TYW1: variants seen among roughly 807,000 people sequenced by gnomAD.
TYW1 encodes the protein tRNA-yW synthesizing protein 1 homolog.
In TYW1, 46 loss-of-function variants were observed where a neutral mutation model predicts 96.2. The ratio of observed to expected loss-of-function variants is 0.48; its 90% CI spans 0.38 to 0.61. The LOEUF (loss-of-function observed/expected upper bound fraction) is 0.61. Among genes scored for constraint, TYW1 ranks in the 20% least tolerant of loss-of-function variants. The pLI is 0.00. For missense variants in TYW1, 684 were observed against 909.6 expected (o/e 0.75, Z 3.19); for synonymous variants, 274 against 323.0 (o/e 0.85, Z 1.63).
chr7:67,078,450 A>G (rs1796272589), intron 10 of TYW1, among the ~76,000 whole-genome samples: 1 of 152,112 alleles, frequency 6.6e-6, no homozygotes, highest in Admixed American at 6.5e-5. Flanking sequence ...CATTCTGCAT[A>G]GGATTTCTTT....
chr7:67,118,967 C>A (rs1303820780), intron 13 of TYW1, among the ~76,000 whole-genome samples: 6 of 148,148 alleles, frequency 4.1e-5, no homozygotes, highest in Admixed American at 3.4e-4. Context: ...TCTAGAACCA[C>A]ATTTCCTAAG....
chr7:67,074,734 G>A (rs1796150720), intron 10 of TYW1, among the ~76,000 whole-genome samples: 1 of 152,122 alleles, frequency 6.6e-6, no homozygotes, highest in Admixed American at 6.6e-5. Flanking sequence ...TAGCCTCTGA[G>A]CCTCAGTTTC....
At chr7:67,006,500 C>T (rs1428668778) in intron 3 of TYW1, among the ~76,000 whole-genome samples, 4 of 132,150 alleles carry the variant, frequency 3.0e-5, no homozygotes, top group East Asian at 2.2e-4. Flanking sequence ...AGTGCAGTGG[C>T]GTGATCTCGG....
chr7:67,206,135 T>C (rs1584694438), intron 15 of TYW1, among the ~76,000 whole-genome samples: 1 of 152,202 alleles, frequency 6.6e-6, no homozygotes, highest in African/African-American at 2.4e-5. Context: ...CTATTTGATA[T>C]TGGTAGATTA....
At chr7:67,055,797 G>T (rs371866976) in intron 8 of TYW1, 38 bp from the exon 9 acceptor site, 1 of 1,548,710 alleles carries the variant, frequency 6.5e-7, no homozygotes, top group Non-Finnish European at 8.7e-7. Context: ...TGACGCTTTG[G>T]ATCAGTCCAA....
chr7:67,063,665 G>A (rs6974421), intron 9 of TYW1, among the ~76,000 whole-genome samples: 43,611 of 151,284 alleles, frequency 0.29, 6,410 homozygotes, highest in Middle Eastern at 0.35. Flanking sequence ...GTGTAGTGGC[G>A]CGATCTCGGC....
chr7:66,999,774 T>G (rs889074844), intron 3 of TYW1, among the ~76,000 whole-genome samples: 2 of 152,110 alleles, frequency 1.3e-5, no homozygotes, highest in Non-Finnish European at 2.9e-5. Context: ...CCATTCTCTC[T>G]CTTTTTTGCG....
chr7:67,202,731 AAG>A (rs1209114541), intron 15 of TYW1, among the ~76,000 whole-genome samples: 2 of 152,136 alleles, frequency 1.3e-5, no homozygotes, highest in Admixed American at 6.6e-5. Flanking sequence ...GGACTTCTGA[AAG>A]AGAGTGCAAA....
At chr7:67,231,860 T>TC in intron 15 of TYW1, among the ~76,000 whole-genome samples, 1 of 150,014 alleles carries the variant, frequency 6.7e-6, no homozygotes, top group Admixed American at 6.7e-5. Context: ...ATTTTTTTTT[T>TC]CTCCTTTCTG....
chr7:67,000,516 C>T (rs561076641), intron 3 of TYW1, among the ~76,000 whole-genome samples: 26 of 152,162 alleles, frequency 1.7e-4, no homozygotes, highest in African/African-American at 6.3e-4. Context: ...TCACACTGCT[C>T]TCAAACTCCT....
At chr7:67,026,652 T>C (rs887507896) in intron 7 of TYW1, among the ~76,000 whole-genome samples, 1 of 151,630 alleles carries the variant, frequency 6.6e-6, no homozygotes, top group African/African-American at 2.4e-5. Context: ...CTGGTGAAAG[T>C]AGTGATGAGA....
chr7:67,129,960 A>G (rs1296675163), intron 13 of TYW1, among the ~76,000 whole-genome samples: 4 of 152,220 alleles, frequency 2.6e-5, no homozygotes, highest in African/African-American at 4.8e-5. Flanking sequence ...TTTAAAGTAC[A>G]GATTTGATAA....
intron 9 of TYW1, among the ~76,000 whole-genome samples, chr7:67,058,728 G>A (rs1795606871): frequency 6.6e-6 from 1 of 151,844 alleles, no homozygotes; most frequent in Non-Finnish European, 1.5e-5. Flanking sequence ...TGCCTGCCTT[G>A]GCCTCTGAAA....
chr7:67,210,764 G>GTCCGTCCATCCATCCCTCCATCCA (rs143928226), intron 15 of TYW1, among the ~76,000 whole-genome samples: 1 of 143,988 alleles, frequency 6.9e-6, no homozygotes, highest in African/African-American at 2.6e-5. Flanking sequence ...TCGTCTGTCC[G>GTCCGTCCATCCATCCCTCCATCCA]TCCATCCATC....
chr7:67,238,652 A>T lies in TYW1; in HGVS notation c.*123A>T, dbSNP rs1801968843. On this transcript the variant is annotated 3_prime_UTR_variant, in exon 16 of 16. Transcript: ENST00000359626. Reference sequence around the variant, plus strand: ...TATACTTTCATACAAAGGAGACGATAAGGCAGTAAACATGGAGACACGGGG... The same window carrying T: ...TATACTTTCATACAAAGGAGACGATTAGGCAGTAAACATGGAGACACGGGG... The T allele has an allele frequency of 6.8e-7, 1 of 1,460,344 alleles. No individual in the cohort carries two copies. The highest frequency in any genetic ancestry group is 9.0e-7 in the Non-Finnish European group (1 of 1,105,138). The allele number at this position is 1,460,344 out of a possible 1,614,324, so 90.5% of individuals were successfully genotyped here. A position where few individuals can be genotyped will look rare whatever the true frequency, so the allele number is the denominator to read the frequency against.
In TYW1 at chr7:67,047,840, T is replaced by C. The variant is rs546561983; in HGVS notation, c.985-2109T>C. Among the ~76,000 whole-genome samples, 10 of 138,242 alleles carry C rather than the reference T, an allele frequency of 7.2e-5. No homozygotes were observed. The East Asian group carries it at 2.2e-3, about 30-fold the overall frequency. 90.7% of individuals were successfully genotyped at this position (138,242 alleles called of 152,430 possible). ...AGAGTCTCTGTCGCCCAGGCTGGAG[T>C]GCAGTGGCACAGTCTTGGCTCACCG... On this transcript the variant is annotated intron_variant, in intron 7 of 15. Transcript: ENST00000359626.
intron 15 of TYW1, among the ~76,000 whole-genome samples, chr7:67,233,283 C>A (rs1460036561): frequency 7.4e-6 from 1 of 135,740 alleles, no homozygotes; most frequent in East Asian, 2.0e-4. Context: ...GTTTAATCTA[C>A]CATCTTTAAT....
At chr7:67,026,383 TTAATTTAAAAAGAAGTGTC>T (rs1230914999) in intron 7 of TYW1, among the ~76,000 whole-genome samples, 21 of 152,292 alleles carry the variant, frequency 1.4e-4, no homozygotes, top group South Asian at 4.1e-4. Context: ...TACCTACAGA[TTAATTTAAAAAGAAGTGTC>T]TTAAACCTAC....
chr7:67,193,087 G>GT (rs1230999999), intron 14 of TYW1, among the ~76,000 whole-genome samples: 5 of 152,144 alleles, frequency 3.3e-5, no homozygotes, highest in Non-Finnish European at 7.3e-5. Flanking sequence ...ATTTCAGCCA[G>GT]TTTTTTTAAA....
Sources: gnomAD v4.1 joint callset for allele counts (sites outside exome capture counted in the v4.1 genomes callset) on GRCh38, gnomAD v4.1.1 for gene constraint, MANE v1.5 for transcripts, NCBI Gene and HGNC (gene_info 2026-07-23, HGNC 2026-07-21) for gene names.